The following ROBO3 variants were observed in gnomAD, a reference collection of about 807,000 sequenced individuals.
The protein encoded by ROBO3 is roundabout homolog 3.
ROBO3 carries 97 observed loss-of-function variants against 160.5 expected under a neutral mutation model. That is an observed-to-expected ratio of 0.60 (90% CI 0.51 to 0.72). ROBO3 has a LOEUF of 0.72. Among genes scored for constraint, ROBO3 ranks in the 30% least tolerant of loss-of-function variants. The probability of loss-of-function intolerance (pLI) is 0.00; values close to 1 mark genes in which losing one functional copy is unlikely to be tolerated. For synonymous variants in ROBO3, 780 were observed against 746.2 expected (o/e 1.05, Z -0.74); for missense variants, 1,858 against 1,846.5 (o/e 1.01, Z -0.11).
chr11:124,873,268 T>G lies in ROBO3; in HGVS notation c.1537-42T>G. ...CCGCCTCCACCCCCTCACTGGATCT[T>G]GCTCCACTCTCAGTTTGCCAGTGCT... On this transcript the variant is annotated intron_variant, in intron 9 of 27. Coordinates refer to ENST00000397801, the MANE Select transcript of ROBO3 (RefSeq NM_022370.4). This position sits in a 1 kb window ranked among gnomAD's most constrained non-coding sequence, Gnocchi z 4.5. The G allele has an allele frequency of 6.4e-7, 1 of 1,561,010 alleles. No homozygotes were observed.
chr11:124,878,255 T>TTTCCTGCC lies in ROBO3; in HGVS notation c.3182-41_3182-34dup. 1 of 1,606,436 alleles carries TTTCCTGCC rather than the reference T, an allele frequency of 6.2e-7. No individual in the cohort carries two copies. The highest frequency in any genetic ancestry group is 1.1e-5 in the South Asian group (1 of 89,680). ...TTCTGACCTGTCTCATCTCTGGCTC[T>TTTCCTGCC]TTCCTGCCTGTTCTCCGGGTGTCCC... On this transcript the variant is annotated intron_variant, in intron 21 of 27. Transcript: ENST00000397801. This position sits in a 1 kb window ranked among gnomAD's most constrained non-coding sequence, Gnocchi z 4.3.
intron 1 of ROBO3, among the ~76,000 whole-genome samples, chr11:124,866,508 G>T (rs1030759053): frequency 1.4e-4 from 21 of 152,230 alleles, no homozygotes; most frequent in South Asian, 4.1e-4. Context: ...TTTCGCGTGT[G>T]GTTCCCTCCA....
At position 124,877,142 on chromosome 11, in the gene ROBO3, A is replaced by T. The variant is rs748078835; in HGVS notation, c.2780-19A>T. On this transcript the variant is annotated intron_variant, in intron 17 of 27. Coordinates refer to ENST00000397801, the MANE Select transcript of ROBO3 (RefSeq NM_022370.4). The stretch of plus-strand genomic sequence containing the variant: ...CCTCATTTCACCTCTTCTTTCTCCC[A>T]CGGGTTCCTTTCTGGAAGCCTCTTT... 3 of 1,613,668 alleles carry T rather than the reference A, an allele frequency of 1.9e-6. No homozygotes were observed. The highest frequency in any genetic ancestry group is 2.5e-6 in the Non-Finnish European group (3 of 1,179,756).
Position 124,873,564 on chromosome 11 carries a change from G to A in ROBO3, c.1619-133G>A, listed in dbSNP as rs1052194007. The stretch of plus-strand genomic sequence containing the variant: ...TACCCATGGGAGGCAGATGTGAGTA[G>A]GGGTTCATATACTATAGCCCACTCT... On this transcript the variant is annotated intron_variant, in intron 10 of 27. Transcript: ENST00000397801. The surrounding 1 kb of genome is among the most constrained non-coding windows in gnomAD (Gnocchi z 4.5). The A allele has an allele frequency of 2.0e-6, 2 of 989,050 alleles. No homozygotes were observed. The highest frequency in any genetic ancestry group is 3.2e-5 in the African/African-American group (2 of 62,014). The allele number at this position is 989,050 out of a possible 1,614,324, so 61.3% of individuals were successfully genotyped here. A position where few individuals can be genotyped will look rare whatever the true frequency, so the allele number is the denominator to read the frequency against.
rs757962627 is a variant in ROBO3 at position 124,879,256 on chromosome 11, G to A, written c.3600G>A (p.Ala1200=). 16 of 1,571,638 alleles carry A rather than the reference G, an allele frequency of 1.0e-5. No homozygotes were observed. Among genetic ancestry groups the A allele is most frequent in the South Asian group, 3.5e-5 (3 of 85,456 alleles). ...AGCCCATGCTGGGCATCCGTGAAGC[G>A]AGGCCTGCTGGCTTGGGTGCTGGCC... The part of the protein sequence containing the change: ...VSQPMLGIRE[A]RPAGLGAGPA... Residue 1200 remains alanine (A), a synonymous_variant, in exon 24 of 28, where the codon GCG becomes GCA. Transcript: ENST00000397801.
Position 124,873,548 on chromosome 11 carries a change from G to T in ROBO3, c.1619-149G>T. Reference sequence around the variant, plus strand: ...AGAAGGACAGTAGTGGTACCCATGGGAGGCAGATGTGAGTAGGGGTTCATA... The same window carrying T: ...AGAAGGACAGTAGTGGTACCCATGGTAGGCAGATGTGAGTAGGGGTTCATA... On this transcript the variant is annotated intron_variant, in intron 10 of 27. Coordinates refer to ENST00000397801, the MANE Select transcript of ROBO3 (RefSeq NM_022370.4). The surrounding 1 kb of genome is among the most constrained non-coding windows in gnomAD (Gnocchi z 4.5). 1 of 957,912 alleles carries T rather than the reference G, an allele frequency of 1.0e-6. No individual in the cohort carries two copies. Among genetic ancestry groups the T allele is most frequent in the African/African-American group, 1.6e-5 (1 of 61,526 alleles). The allele number at this position is 957,912 out of a possible 1,614,324, so 59.3% of individuals were successfully genotyped here.
In ROBO3 at chr11:124,875,543, C is replaced by T. The variant is rs570522254; in HGVS notation, c.2300-21C>T. 7.5e-6 allele frequency: 12 copies of T among 1,610,188 alleles called. 1 individual carries two copies. In the South Asian group the frequency reaches 1.2e-4, roughly 16 times the overall value. Reference sequence around the variant, plus strand: ...GCAATGACTATTTGTGTCCTTCTCACCATGCTCCACCCTGGCCCAGCCCCC... The same window carrying T: ...GCAATGACTATTTGTGTCCTTCTCATCATGCTCCACCCTGGCCCAGCCCCC... On this transcript the variant is annotated intron_variant, in intron 14 of 27. Coordinates refer to ENST00000397801, the MANE Select transcript of ROBO3 (RefSeq NM_022370.4).
intron 1 of ROBO3, among the ~76,000 whole-genome samples, chr11:124,867,703 G>A (rs537889151): frequency 1.3e-5 from 2 of 151,948 alleles, no homozygotes; most frequent in Non-Finnish European, 2.9e-5. Flanking sequence ...TTCTAAGAGG[G>A]GGGGCAGGAA....
intron 23 of ROBO3, 112 bp from the exon 24 acceptor site, chr11:124,879,078 C>T (rs1946486447): frequency 2.6e-5 from 33 of 1,264,628 alleles, no homozygotes; most frequent in South Asian, 6.0e-5. Context: ...TACGGGCGGA[C>T]GGGTTGTGTC....
chr11:124,874,643 CT>C, intron 12 of ROBO3, 144 bp from the exon 13 acceptor site: 2 of 923,484 alleles, frequency 2.2e-6, no homozygotes, highest in Non-Finnish European at 3.1e-6. Context: ...TGTCTGGAAG[CT>C]ATTTTCCTGA....
Position 124,868,802 on chromosome 11 carries a change from G to C in ROBO3, c.161G>C (p.Gly54Ala). 6.2e-7 allele frequency: 1 copy of C among 1,607,078 alleles called. No homozygotes were observed. Among genetic ancestry groups the C allele is most frequent in the Non-Finnish European group, 8.5e-7 (1 of 1,177,320 alleles). ...LLPPGDPSLNGSRVGPEDAMP... is the reference protein window; with the variant it reads ...LLPPGDPSLNASRVGPEDAMP... Reference sequence around the variant, plus strand: ...GCTCTGCGCCACCCCCTGTCCCCAGGGTCAAGGGTAGGACCGGAGGACGCT... The same window carrying C: ...GCTCTGCGCCACCCCCTGTCCCCAGCGTCAAGGGTAGGACCGGAGGACGCT... The change falls in exon 2 of 28, where the codon GGG becomes GCG. Residue 54 changes from glycine to alanine, a missense_variant and splice_region_variant. Transcript: ENST00000397801.
At chr11:124,867,781 G>A (rs1200218908) in intron 1 of ROBO3, among the ~76,000 whole-genome samples, 1 of 151,762 alleles carries the variant, frequency 6.6e-6, no homozygotes, top group East Asian at 1.9e-4. Context: ...AGGGTAGGAA[G>A]GGGGGAACAG....
chr11:124,879,008 C>T (rs1565315973), intron 23 of ROBO3, 182 bp from the exon 24 acceptor site: 2 of 804,292 alleles, frequency 2.5e-6, no homozygotes, highest in Non-Finnish European at 3.9e-6. Flanking sequence ...GAGTGGTCAG[C>T]ACTCTACCTG....
chr11:124,873,163 C>T lies in ROBO3; in HGVS notation c.1536+74C>T. The T allele has an allele frequency of 1.3e-6, 2 of 1,488,188 alleles. No homozygotes were observed. The highest frequency in any genetic ancestry group is 1.9e-6 in the Non-Finnish European group (2 of 1,079,380). 92.2% of individuals were successfully genotyped at this position (1,488,188 alleles called of 1,614,324 possible). On this transcript the variant is annotated intron_variant, in intron 9 of 27. Coordinates refer to ENST00000397801, the MANE Select transcript of ROBO3 (RefSeq NM_022370.4). This position sits in a 1 kb window ranked among gnomAD's most constrained non-coding sequence, Gnocchi z 4.5. ...CACGTTCCTTACACAAGTAAGTACTCACTGGGCCTGTAGCCCCATCTTTAC... is the reference window on the plus strand; with the variant it reads ...CACGTTCCTTACACAAGTAAGTACTTACTGGGCCTGTAGCCCCATCTTTAC...
At position 124,876,473 on chromosome 11, in the gene ROBO3, C is replaced by T. The variant is rs1946378299; in HGVS notation, c.2779+13C>T. 1.5e-6 allele frequency: 2 copies of T among 1,375,118 alleles called. No homozygotes were observed. The highest frequency in any genetic ancestry group is 1.9e-6 in the Non-Finnish European group (2 of 1,069,044). The allele number at this position is 1,375,118 out of a possible 1,614,324, so 85.2% of individuals were successfully genotyped here. A position where few individuals can be genotyped will look rare whatever the true frequency, so the allele number is the denominator to read the frequency against. The stretch of plus-strand genomic sequence containing the variant: ...AGCCACTACACGGGTGAGCTCCCGG[C>T]CTCGGAGCGGACGGATCCGGGAGGG... On this transcript the variant is annotated intron_variant, in intron 17 of 27. Transcript: ENST00000397801. This position sits in a 1 kb window ranked among gnomAD's most constrained non-coding sequence, Gnocchi z 5.3.
rs370064973 is a variant in ROBO3, at chr11:124,877,969, G to A, written c.3019G>A (p.Ala1007Thr). The A allele has an allele frequency of 5.0e-6, 8 of 1,609,606 alleles. No individual in the cohort carries two copies. Among genetic ancestry groups the A allele is most frequent in the African/African-American group, 1.3e-5 (1 of 74,956 alleles). Residue 1007 changes from alanine to threonine, a missense_variant, in exon 21 of 28, where the codon GCC (alanine) becomes ACC (threonine). By Grantham distance (58) the Ala-to-Thr change is moderately conservative (BLOSUM62 0). Transcript: ENST00000397801. ...AATCTCCCTGTATCTAGCTCAGACG[G>A]CCAGGGGCACGGCCGCCCCTGGCGA... ...AGISLYLAQTARGTAAPGEGP... is the reference protein window; with the variant it reads ...AGISLYLAQTTRGTAAPGEGP...
chr11:124,874,088 ATGGCGTAC>A lies in ROBO3; in HGVS notation c.1806_1813del (p.Trp602CysfsTer35). 6.2e-7 allele frequency: 1 copy of A among 1,613,958 alleles called. No homozygotes were observed. Among genetic ancestry groups the A allele is most frequent in the Non-Finnish European group, 8.5e-7 (1 of 1,179,878 alleles). On this transcript the variant is annotated frameshift_variant, in exon 12 of 28. Coordinates refer to ENST00000397801, the MANE Select transcript of ROBO3 (RefSeq NM_022370.4). LOFTEE classifies it high-confidence loss of function. Reference sequence around the variant, plus strand: ...GTTGTAGCCCAGCAGCTGGCAACACATGGCGTACTGTGGCAGATGGCGTGCAGCTGGAG... The same window carrying A: ...GTTGTAGCCCAGCAGCTGGCAACACATGTGGCAGATGGCGTGCAGCTGGAG...
At position 124,879,578 on chromosome 11, in the gene ROBO3, G is replaced by A; in HGVS notation, c.3796+3G>A. 5.6e-6 allele frequency: 9 copies of A among 1,610,136 alleles called. No homozygotes were observed. Among genetic ancestry groups the A allele is most frequent in the Non-Finnish European group, 7.6e-6 (9 of 1,177,076 alleles). On this transcript the variant is annotated splice_donor_region_variant and intron_variant, in intron 25 of 27. Coordinates refer to ENST00000397801, the MANE Select transcript of ROBO3 (RefSeq NM_022370.4). Reference sequence around the variant, plus strand: ...CAGGAGGGAGAACAGTCCTGGGGGTGAGGGGGGATGCACCTGGGAGATGGT... The same window carrying A: ...CAGGAGGGAGAACAGTCCTGGGGGTAAGGGGGGATGCACCTGGGAGATGGT...
chr11:124,877,769 G>A (rs1481655851), intron 20 of ROBO3, 111 bp downstream of exon 20: 1 of 1,429,550 alleles, frequency 7.0e-7, no homozygotes, highest in Non-Finnish European at 9.6e-7. Context: ...CAGTCCCTGG[G>A]GAGGATGTGA....
Sources: allele counts gnomAD v4.1 joint callset (sites outside exome capture counted in the v4.1 genomes callset), GRCh38; gene constraint gnomAD v4.1.1; non-coding constraint Gnocchi (gnomAD v3.1); transcripts MANE v1.5; gene names NCBI Gene and HGNC (gene_info 2026-07-23, HGNC 2026-07-21).